The following SPATA16 variants were observed in gnomAD, a reference collection of about 807,000 sequenced individuals.
The protein encoded by SPATA16 is spermatogenesis associated 16, also known as spermatogenesis-associated protein 16.
Under a neutral mutation model 63.3 loss-of-function variants are expected in SPATA16, and 36 were observed. The ratio of observed to expected loss-of-function variants is 0.57; its 90% CI spans 0.44 to 0.75. The LOEUF is 0.75. Ranked by LOEUF, SPATA16 falls within the 30% of genes least tolerant of loss-of-function variation. The pLI, the probability that SPATA16 is intolerant of heterozygous loss-of-function variation, is 0.00. For synonymous variants in SPATA16, 203 were observed against 216.7 expected, an observed-to-expected ratio of 0.94 and a Z score of 0.56; for missense variants, 646 against 679.3, an observed-to-expected ratio of 0.95 and a Z score of 0.54.
At chr3:172,989,735 G>T (rs1466732538) in intron 4 of SPATA16, among the ~76,000 whole-genome samples, 1 of 152,168 alleles carries the variant, frequency 6.6e-6, no homozygotes, top group African/African-American at 2.4e-5. Context: ...TTAGTATTCT[G>T]CCCAGGTCTT....
chr3:173,035,140 C>T lies in SPATA16; in HGVS notation c.758+13809G>A, dbSNP rs1735686698. Among the ~76,000 whole-genome samples the T allele has an allele frequency of 2.0e-5, 3 of 152,210 alleles. No homozygotes were observed. The South Asian group carries it at 6.2e-4, about 32-fold the overall frequency. On this transcript the variant is annotated intron_variant, in intron 3 of 10. Coordinates refer to ENST00000351008, the MANE Select transcript of SPATA16 (RefSeq NM_031955.6). ...TTTGTTGAAAATGCTACATTGGATA[C>T]TAACTGACTAGCCCTCAACTAAGTG...
intron 5 of SPATA16, among the ~76,000 whole-genome samples, chr3:172,973,560 G>A (rs145182813): frequency 9.1e-4 from 139 of 152,192 alleles, no homozygotes; most frequent in African/African-American, 3.2e-3. Context: ...GAAAACTTTT[G>A]TGCCTCAGAA....
intron 3 of SPATA16, among the ~76,000 whole-genome samples, chr3:173,028,023 T>TTTCC (rs1224712418): frequency 0.15 from 5,547 of 36,344 alleles, 583 homozygotes; most frequent in East Asian, 0.19. Context: ...CCCTTCCTTC[T>TTTCC]TTCCTTCCTT....
chr3:173,133,726 T>TA (rs1312849207), intron 1 of SPATA16, among the ~76,000 whole-genome samples: 1 of 152,110 alleles, frequency 6.6e-6, no homozygotes, highest in Non-Finnish European at 1.5e-5. Context: ...TCTCCAATTA[T>TA]AGTGGGAAAT....
chr3:173,063,295 T>C (rs558994608), intron 2 of SPATA16, among the ~76,000 whole-genome samples: 53 of 152,340 alleles, frequency 3.5e-4, no homozygotes, highest in Non-Finnish European at 5.6e-4. Flanking sequence ...TGCAATCACC[T>C]ATTTTATAAA....
At chr3:172,937,945 A>T (rs1394949772) in intron 6 of SPATA16, among the ~76,000 whole-genome samples, 1 of 152,188 alleles carries the variant, frequency 6.6e-6, no homozygotes, top group African/African-American at 2.4e-5. Context: ...AAAAGTGACT[A>T]TAAGATCTGT....
chr3:172,952,938 CAAAA>C (rs60404306), intron 6 of SPATA16, among the ~76,000 whole-genome samples: 121 of 77,998 alleles, frequency 1.6e-3, no homozygotes, highest in Middle Eastern at 6.3e-3. Flanking sequence ...GACTCCATCT[CAAAA>C]AAAAAAAAAA....
intron 4 of SPATA16, among the ~76,000 whole-genome samples, chr3:173,014,736 C>T (rs1357146529): frequency 2.0e-5 from 3 of 152,184 alleles, no homozygotes; most frequent in Non-Finnish European, 4.4e-5. Context: ...GATGGCCACT[C>T]TCTTTGGAAG....
intron 1 of SPATA16, 114 bp from the exon 2 acceptor site, chr3:173,117,863 C>G: frequency 6.6e-7 from 1 of 1,515,436 alleles, no homozygotes; most frequent in African/African-American, 1.4e-5. Flanking sequence ...TATTTGTTGC[C>G]TTGTAAGTAA....
intron 6 of SPATA16, among the ~76,000 whole-genome samples, chr3:172,930,509 G>C (rs1041301720): frequency 2.6e-5 from 4 of 151,178 alleles, no homozygotes; most frequent in Non-Finnish European, 4.4e-5. Context: ...GCTCATAAAG[G>C]GTTTCCTGAA....
chr3:173,119,381 G>A (rs1737996039), intron 1 of SPATA16, among the ~76,000 whole-genome samples: 2 of 152,150 alleles, frequency 1.3e-5, no homozygotes, highest in African/African-American at 4.8e-5. Context: ...AGTAAAGGGA[G>A]AACCATAACT....
chr3:173,052,910 T>A (rs1399920533), intron 2 of SPATA16, among the ~76,000 whole-genome samples: 4 of 152,136 alleles, frequency 2.6e-5, no homozygotes, highest in East Asian at 3.9e-4. Context: ...GTAGGAAAAA[T>A]TAAGTTAGGA....
intron 3 of SPATA16, among the ~76,000 whole-genome samples, chr3:173,044,766 GT>G (rs1180544291): frequency 1.3e-5 from 2 of 152,042 alleles, no homozygotes; most frequent in African/African-American, 4.8e-5. Flanking sequence ...AGATGTTGAG[GT>G]TTTTTTGTTT....
At chr3:173,109,263 C>G (rs1425695232) in intron 2 of SPATA16, among the ~76,000 whole-genome samples, 1 of 152,110 alleles carries the variant, frequency 6.6e-6, no homozygotes, top group Non-Finnish European at 1.5e-5. Flanking sequence ...TTCACAACTT[C>G]TCCCATGTTA....
intron 10 of SPATA16, among the ~76,000 whole-genome samples, chr3:172,902,162 C>G (rs530192929): frequency 1.3e-4 from 20 of 152,238 alleles, no homozygotes; most frequent in African/African-American, 3.9e-4. Flanking sequence ...CTCAGCTTTC[C>G]AAGTAGCTGG....
At chr3:173,042,274 T>G (rs1577145180) in intron 3 of SPATA16, among the ~76,000 whole-genome samples, 1 of 152,128 alleles carries the variant, frequency 6.6e-6, no homozygotes, top group Non-Finnish European at 1.5e-5. Flanking sequence ...CAGGCTGGAG[T>G]GCAGTGGTGT....
At chr3:172,952,364 C>G (rs1733455212) in intron 6 of SPATA16, among the ~76,000 whole-genome samples, 1 of 152,118 alleles carries the variant, frequency 6.6e-6, no homozygotes, top group African/African-American at 2.4e-5. Context: ...AGAGAGATAA[C>G]TGTTTTTTGT....
intron 10 of SPATA16, among the ~76,000 whole-genome samples, chr3:172,895,264 T>C (rs551849327): frequency 5.3e-5 from 8 of 152,322 alleles, no homozygotes; most frequent in Middle Eastern, 3.4e-3. Context: ...TTTATAACCA[T>C]CTGTTTTCCT....
chr3:172,890,111 G>T (rs1188790146), intron 10 of SPATA16, among the ~76,000 whole-genome samples: 1 of 152,178 alleles, frequency 6.6e-6, no homozygotes, highest in Non-Finnish European at 1.5e-5. Flanking sequence ...CAAAGCCAGA[G>T]ATTCTAGCAT....
Sources: allele counts gnomAD v4.1 joint callset (sites outside exome capture counted in the v4.1 genomes callset), GRCh38; gene constraint gnomAD v4.1.1; transcripts MANE v1.5; gene names NCBI Gene and HGNC (gene_info 2026-07-23, HGNC 2026-07-21).